Variants in GPC6 observed in about 807,000 individuals in gnomAD.
GPC6 encodes the protein glypican 6.
Under a neutral mutation model 55.2 loss-of-function variants are expected in GPC6, and 14 were observed. That is an observed-to-expected ratio of 0.25 (90% CI 0.17 to 0.40). The LOEUF is 0.40. Ranked by LOEUF, GPC6 falls within the 10% of genes least tolerant of loss-of-function variation. The probability of loss-of-function intolerance (pLI) is 1.00; values close to 1 mark genes in which losing one functional copy is unlikely to be tolerated. For missense variants in GPC6, 641 were observed against 708.5 expected, an observed-to-expected ratio of 0.90 and a Z score of 1.08; for synonymous variants, 278 against 259.6, an observed-to-expected ratio of 1.07 and a Z score of -0.68.
intron 6 of GPC6, among the ~76,000 whole-genome samples, chr13:94,371,887 C>T (rs928349995): frequency 1.3e-5 from 2 of 152,166 alleles, no homozygotes; most frequent in Non-Finnish European, 1.5e-5. Context: ...AGGACAGTCT[C>T]CTATACAGCC....
chr13:93,780,309 T>C (rs1434495849), intron 2 of GPC6, among the ~76,000 whole-genome samples: 4 of 152,122 alleles, frequency 2.6e-5, no homozygotes, highest in Admixed American at 1.3e-4. Flanking sequence ...TAAGAGAATA[T>C]TGCCATAGGC....
At chr13:93,544,279 C>T (rs1251512259) in intron 1 of GPC6, among the ~76,000 whole-genome samples, 1 of 152,174 alleles carries the variant, frequency 6.6e-6, no homozygotes, top group Non-Finnish European at 1.5e-5. Context: ...ACAACCTATA[C>T]TTCACACAAG....
intron 2 of GPC6, among the ~76,000 whole-genome samples, chr13:93,796,165 C>A (rs937938382): frequency 3.3e-5 from 5 of 151,752 alleles, no homozygotes; most frequent in African/African-American, 1.2e-4. Flanking sequence ...CACTGCACTC[C>A]AGCCTGGGTG....
intron 4 of GPC6, among the ~76,000 whole-genome samples, chr13:94,119,157 A>G (rs1321965568): frequency 6.6e-6 from 1 of 152,080 alleles, no homozygotes; most frequent in Non-Finnish European, 1.5e-5. Context: ...AATATTACTG[A>G]GCACCTACTA....
chr13:94,303,995 C>T (rs1034356821), intron 5 of GPC6, among the ~76,000 whole-genome samples: 1 of 152,178 alleles, frequency 6.6e-6, no homozygotes, highest in Non-Finnish European at 1.5e-5. Context: ...TTAGGCTTTA[C>T]ATTTTTTAAA....
intron 6 of GPC6, among the ~76,000 whole-genome samples, chr13:94,349,253 G>A (rs145881800): frequency 3.3e-5 from 5 of 152,266 alleles, no homozygotes; most frequent in African/African-American, 1.2e-4. Flanking sequence ...CCACAGAAAT[G>A]CCTCTCCTAC....
chr13:93,907,477 A>C (rs1183860790), intron 3 of GPC6, among the ~76,000 whole-genome samples: 4 of 152,132 alleles, frequency 2.6e-5, no homozygotes, highest in Non-Finnish European at 5.9e-5. Context: ...TGTATTCCTT[A>C]ATCACTTATT....
chr13:93,274,555 A>T (rs554977350), intron 1 of GPC6, among the ~76,000 whole-genome samples: 5 of 152,328 alleles, frequency 3.3e-5, no homozygotes, highest in African/African-American at 1.2e-4. Flanking sequence ...TGGTTACTAC[A>T]TACTAGGCAT....
intron 2 of GPC6, among the ~76,000 whole-genome samples, chr13:93,781,582 G>C (rs576583207): frequency 6.6e-6 from 1 of 152,252 alleles, no homozygotes; most frequent in South Asian, 2.1e-4. Flanking sequence ...GAAATATAGA[G>C]AAGAGGAGCC....
chr13:93,728,752 A>G (rs562110168), intron 2 of GPC6, among the ~76,000 whole-genome samples: 131 of 152,084 alleles, frequency 8.6e-4, no homozygotes, highest in African/African-American at 3.1e-3. Flanking sequence ...TTTTTAGTAG[A>G]GACAGCATTT....
chr13:93,791,055 T>C (rs1161017690), intron 2 of GPC6, among the ~76,000 whole-genome samples: 1 of 152,162 alleles, frequency 6.6e-6, no homozygotes, highest in Non-Finnish European at 1.5e-5. Flanking sequence ...CTACCCCACC[T>C]ACCCGCACTC....
chr13:94,334,121 T>G (rs1187680083), intron 6 of GPC6, among the ~76,000 whole-genome samples: 2 of 152,214 alleles, frequency 1.3e-5, no homozygotes, highest in African/African-American at 4.8e-5. Context: ...CTATATTGTT[T>G]TATTACCTAG....
chr13:93,891,523 T>G (rs149694476), intron 3 of GPC6, among the ~76,000 whole-genome samples: 1 of 152,178 alleles, frequency 6.6e-6, no homozygotes, highest in Admixed American at 6.6e-5. Flanking sequence ...GGTCACCAGC[T>G]GTTTGAGGCA....
intron 3 of GPC6, among the ~76,000 whole-genome samples, chr13:93,851,393 T>A (rs1888390658): frequency 6.6e-6 from 1 of 151,926 alleles, no homozygotes; most frequent in Non-Finnish European, 1.5e-5. Flanking sequence ...CACATTTGAT[T>A]GGCATGTGTA....
chr13:93,262,671 A>G (rs187440385), intron 1 of GPC6, among the ~76,000 whole-genome samples: 7 of 152,306 alleles, frequency 4.6e-5, no homozygotes, highest in Non-Finnish European at 8.8e-5. Flanking sequence ...TTATCTGGAA[A>G]TGTATTCCAT....
chr13:94,012,392 G>C (rs1483655193), intron 3 of GPC6, among the ~76,000 whole-genome samples: 4 of 152,126 alleles, frequency 2.6e-5, no homozygotes, highest in African/African-American at 9.7e-5. Flanking sequence ...GGGCTCATCA[G>C]GAATTAGAAT....
chr13:94,033,257 T>C (rs1239326184), intron 4 of GPC6, among the ~76,000 whole-genome samples: 1 of 152,188 alleles, frequency 6.6e-6, no homozygotes, highest in African/African-American at 2.4e-5. Flanking sequence ...AATCAGATAA[T>C]GTACCTGATT....
intron 3 of GPC6, among the ~76,000 whole-genome samples, chr13:93,949,887 C>T (rs934245684): frequency 1.3e-5 from 2 of 152,028 alleles, no homozygotes; most frequent in East Asian, 1.9e-4. Flanking sequence ...CCACCACCCC[C>T]GGCTGATTTT....
At chr13:93,237,401 A>G (rs1246480723) in intron 1 of GPC6, among the ~76,000 whole-genome samples, 1 of 152,010 alleles carries the variant, frequency 6.6e-6, no homozygotes, top group Non-Finnish European at 1.5e-5. Context: ...TCATTTACAC[A>G]CTTTTTAATG....
Sources: allele counts gnomAD v4.1 joint callset (sites outside exome capture counted in the v4.1 genomes callset), GRCh38; gene constraint gnomAD v4.1.1; transcripts MANE v1.5; gene names NCBI Gene and HGNC (gene_info 2026-07-23, HGNC 2026-07-21).